The following NDUFS4 variants were observed in gnomAD, a reference collection of about 807,000 sequenced individuals.
NDUFS4 encodes the protein NADH:ubiquinone oxidoreductase subunit S4.
A neutral mutation model predicts 24.3 loss-of-function variants in NDUFS4; 28 were observed. That is an observed-to-expected ratio of 1.15 (90% CI 0.85 to 1.58). The LOEUF (loss-of-function observed/expected upper bound fraction) is 1.58, where lower values mean the gene tolerates loss of function less well. Among genes scored for constraint, NDUFS4 ranks in the 40% most tolerant of loss-of-function variants. The pLI is 0.00. For synonymous variants in NDUFS4, 93 were observed against 69.7 expected (o/e 1.34, Z -1.67); for missense variants, 223 against 207.9 (o/e 1.07, Z -0.45).
intron 1 of NDUFS4, among the ~76,000 whole-genome samples, chr5:53,599,994 ATTTAT>A (rs1276342505): frequency 6.6e-6 from 1 of 151,832 alleles, no homozygotes; most frequent in South Asian, 2.1e-4. Context: ...TTATTTATTT[ATTTAT>A]TTTATTATTA....
At chr5:53,662,053 G>A (rs1335899442) in intron 4 of NDUFS4, among the ~76,000 whole-genome samples, 1 of 152,134 alleles carries the variant, frequency 6.6e-6, no homozygotes, top group Non-Finnish European at 1.5e-5. Context: ...AGTGGTGAGA[G>A]AGGGCATCCC....
In NDUFS4 at chr5:53,674,465, G is replaced by A. The variant is rs149273509; in HGVS notation, c.425-8653G>A. On this transcript the variant is annotated intron_variant, in intron 4 of 4. Coordinates refer to ENST00000296684, the MANE Select transcript of NDUFS4 (RefSeq NM_002495.4). ...AATGCCAAGGTGCCATTATTTTAGG[G>A]TAGCATGTCCTGAACCCTATCATTA... is the stretch of plus-strand genomic sequence containing the variant. 2.0e-4 allele frequency among the ~76,000 whole-genome samples: 31 copies of A among 152,184 alleles called. 1 individual carries two copies. The East Asian group carries it at 2.9e-3, about 14-fold the overall frequency.
chr5:53,565,384 G>A (rs1317696856), intron 1 of NDUFS4, among the ~76,000 whole-genome samples: 1 of 152,162 alleles, frequency 6.6e-6, no homozygotes, highest in Non-Finnish European at 1.5e-5. Context: ...CACATGGACC[G>A]ATATATCAGC....
intron 1 of NDUFS4, among the ~76,000 whole-genome samples, chr5:53,571,094 T>TA (rs1749196954): frequency 6.6e-6 from 1 of 152,180 alleles, no homozygotes; most frequent in African/African-American, 2.4e-5. Flanking sequence ...AATTTACTCA[T>TA]ATAAAGTATA....
intron 1 of NDUFS4, among the ~76,000 whole-genome samples, chr5:53,569,477 A>T (rs1466831571): frequency 6.6e-6 from 1 of 152,038 alleles, no homozygotes; most frequent in Non-Finnish European, 1.5e-5. Context: ...TAGTTCATAG[A>T]TTTATGTAAT....
intron 2 of NDUFS4, among the ~76,000 whole-genome samples, chr5:53,621,802 C>A (rs893931417): frequency 6.7e-6 from 1 of 148,926 alleles, no homozygotes; most frequent in Non-Finnish European, 1.5e-5. Context: ...CCCGGGTTCA[C>A]GCCATTCTCC....
At chr5:53,623,977 A>G (rs923149294) in intron 2 of NDUFS4, among the ~76,000 whole-genome samples, 2 of 152,120 alleles carry the variant, frequency 1.3e-5, no homozygotes, top group African/African-American at 4.8e-5. Flanking sequence ...TCAGCCTCCC[A>G]AAGTGCTGGG....
At chr5:53,572,943 C>T (rs1749258741) in intron 1 of NDUFS4, among the ~76,000 whole-genome samples, 3 of 145,512 alleles carry the variant, frequency 2.1e-5, no homozygotes, top group South Asian at 2.2e-4. Flanking sequence ...CGTGCCTGGC[C>T]TTTGTTGTTT....
In NDUFS4 at chr5:53,658,636, C is replaced by G. The variant is rs947323931; in HGVS notation, c.424+12C>G. 2 of 1,591,626 alleles carry G rather than the reference C, an allele frequency of 1.3e-6. No homozygotes were observed. Among genetic ancestry groups the G allele is most frequent in the Admixed American group, 3.4e-5 (2 of 59,286 alleles). Reference sequence around the variant, plus strand: ...TGCAGAAAAAAATGGTATGTTTGGTCTGTTTTTGACAAAGTCAAGATAATG... The same window carrying G: ...TGCAGAAAAAAATGGTATGTTTGGTGTGTTTTTGACAAAGTCAAGATAATG... On this transcript the variant is annotated intron_variant, in intron 4 of 4. Coordinates refer to ENST00000296684, the MANE Select transcript of NDUFS4 (RefSeq NM_002495.4).
intron 3 of NDUFS4, among the ~76,000 whole-genome samples, chr5:53,657,437 G>A (rs954059437): frequency 3.3e-5 from 5 of 152,130 alleles, no homozygotes; most frequent in African/African-American, 7.2e-5. Context: ...GGGTCTTCCC[G>A]TCAGTGAGAG....
intron 1 of NDUFS4, among the ~76,000 whole-genome samples, chr5:53,592,482 C>T (rs1750003777): frequency 6.6e-6 from 1 of 152,090 alleles, no homozygotes; most frequent in Non-Finnish European, 1.5e-5. Context: ...CCAAGGTCAC[C>T]TAGATTTTCT....
intron 2 of NDUFS4, chr5:53,604,784 G>A (rs909062756): frequency 2.2e-6 from 1 of 456,124 alleles, no homozygotes; most frequent in African/African-American, 2.0e-5. Context: ...CCTGGAACTT[G>A]CTACTCTTTT....
intron 1 of NDUFS4, among the ~76,000 whole-genome samples, chr5:53,591,713 T>C (rs987855026): frequency 6.6e-6 from 1 of 152,214 alleles, no homozygotes; most frequent in Non-Finnish European, 1.5e-5. Flanking sequence ...ATGAGACTTC[T>C]GTTCTCTTCA....
At chr5:53,625,145 G>A (rs943210234) in intron 2 of NDUFS4, among the ~76,000 whole-genome samples, 2 of 151,804 alleles carry the variant, frequency 1.3e-5, no homozygotes, top group African/African-American at 2.4e-5. Context: ...AATGGGGTTC[G>A]CCATGTTACC....
intron 4 of NDUFS4, among the ~76,000 whole-genome samples, chr5:53,673,723 A>G (rs1466339479): frequency 6.6e-6 from 1 of 152,168 alleles, no homozygotes; most frequent in African/African-American, 2.4e-5. Flanking sequence ...CTCCTATTCC[A>G]GTTTCATTTA....
intron 1 of NDUFS4, among the ~76,000 whole-genome samples, chr5:53,583,940 T>C (rs1272684203): frequency 6.6e-6 from 1 of 152,212 alleles, no homozygotes; most frequent in Non-Finnish European, 1.5e-5. Context: ...TCAAGTAATA[T>C]GTTAAATGTT....
At chr5:53,677,897 AAGAC>A (rs1415378785) in intron 4 of NDUFS4, among the ~76,000 whole-genome samples, 3 of 152,220 alleles carry the variant, frequency 2.0e-5, no homozygotes, top group Non-Finnish European at 4.4e-5. Flanking sequence ...GTTATTAGAG[AAGAC>A]AGACCTTTCA....
intron 4 of NDUFS4, among the ~76,000 whole-genome samples, chr5:53,672,270 T>C (rs1023191783): frequency 1.3e-5 from 2 of 151,948 alleles, no homozygotes; most frequent in African/African-American, 4.8e-5. Context: ...GCAAGAATCA[T>C]GACTTTCATA....
intron 1 of NDUFS4, among the ~76,000 whole-genome samples, chr5:53,601,388 T>TA (rs1407459884): frequency 6.6e-6 from 1 of 152,182 alleles, no homozygotes; most frequent in Non-Finnish European, 1.5e-5. Flanking sequence ...AACCTATCCT[T>TA]AAAGTAAATT....
Sources: gnomAD v4.1 joint callset for allele counts (sites outside exome capture counted in the v4.1 genomes callset) on GRCh38, gnomAD v4.1.1 for gene constraint, MANE v1.5 for transcripts, NCBI Gene and HGNC (gene_info 2026-07-23, HGNC 2026-07-21) for gene names.